Variants in SEMA6D observed in about 807,000 individuals in gnomAD.
The protein encoded by SEMA6D is semaphorin-6D.
Under a neutral mutation model 106.6 loss-of-function variants are expected in SEMA6D, and 35 were observed. That is an observed-to-expected ratio of 0.33 (90% CI 0.25 to 0.44). The LOEUF is 0.44. Ranked by LOEUF, SEMA6D falls within the 20% of genes least tolerant of loss-of-function variation. The probability of loss-of-function intolerance (pLI) is 1.00; values close to 1 mark genes in which losing one functional copy is unlikely to be tolerated. For synonymous variants in SEMA6D, 499 were observed against 487.7 expected, an observed-to-expected ratio of 1.02 and a Z score of -0.31; for missense variants, 1,185 against 1,345.9, an observed-to-expected ratio of 0.88 and a Z score of 1.87.
intron 1 of SEMA6D, among the ~76,000 whole-genome samples, chr15:47,196,356 C>T (rs975354969): frequency 5.3e-5 from 8 of 152,128 alleles, no homozygotes; most frequent in African/African-American, 1.9e-4. Flanking sequence ...GCTTTCTGAG[C>T]CACTGTCTGA....
At chr15:47,715,495 A>G (rs1344745075), upstream of SEMA6D, among the ~76,000 whole-genome samples, 4 of 152,172 alleles carry the variant, frequency 2.6e-5, no homozygotes, top group African/African-American at 9.7e-5. Context: ...AAGGTAAAGG[A>G]TACCATTCGT....
rs980345269 is a variant in SEMA6D, at chr15:47,544,751, C to T, written c.-86-56114C>T. 3.5e-5 allele frequency among the ~76,000 whole-genome samples: 5 copies of T among 144,834 alleles called. No homozygotes were observed. In the Admixed American group the frequency reaches 3.6e-4, roughly 10 times the overall value. ...GTGGCTCTGGGAACATAGAAAACAA[C>T]TTTAGGGGAATCAGAAAGATTAAAC... On this transcript the variant is annotated intron_variant, in intron 3 of 19. Transcript: ENST00000558014.
intron 4 of SEMA6D, among the ~76,000 whole-genome samples, chr15:47,647,689 T>G (rs2077606650): frequency 6.8e-6 from 1 of 148,100 alleles, no homozygotes; most frequent in African/African-American, 2.5e-5. Flanking sequence ...AATCAGAATT[T>G]ACAACAGGCA....
At chr15:47,329,327 T>G (rs1002229995) in intron 1 of SEMA6D, among the ~76,000 whole-genome samples, 1 of 152,214 alleles carries the variant, frequency 6.6e-6, no homozygotes, top group African/African-American at 2.4e-5. Flanking sequence ...TCTTAACCTG[T>G]TCACTAATAA....
intron 2 of SEMA6D, among the ~76,000 whole-genome samples, chr15:47,412,631 A>G (rs1008388523): frequency 2.0e-5 from 3 of 152,232 alleles, no homozygotes; most frequent in Admixed American, 6.5e-5. Flanking sequence ...TCCATAATCC[A>G]TAAGTACTGA....
chr15:47,285,987 C>T (rs1025345933), intron 1 of SEMA6D, among the ~76,000 whole-genome samples: 2 of 152,106 alleles, frequency 1.3e-5, no homozygotes, highest in Admixed American at 6.5e-5. Flanking sequence ...TGATAATTAA[C>T]TAAGAACAAC....
chr15:47,727,210 C>G (rs1302860007), intron 1 of SEMA6D, among the ~76,000 whole-genome samples: 2 of 152,168 alleles, frequency 1.3e-5, no homozygotes, highest in Admixed American at 1.3e-4. Context: ...TGTCGTCACG[C>G]ACATCTTTGA....
At chr15:47,582,931 A>G (rs1347464023) in intron 3 of SEMA6D, among the ~76,000 whole-genome samples, 2 of 152,184 alleles carry the variant, frequency 1.3e-5, no homozygotes, top group Non-Finnish European at 2.9e-5. Flanking sequence ...CATTTGCCAC[A>G]AAATATTGCC....
chr15:47,552,826 A>ATATT (rs1555389632), intron 3 of SEMA6D, among the ~76,000 whole-genome samples: 1 of 51,576 alleles, frequency 1.9e-5, no homozygotes, highest in African/African-American at 1.2e-4. Flanking sequence ...AAATATATAT[A>ATATT]TTTTTATATA....
At chr15:47,707,354 A>G (rs1331610793) in intron 4 of SEMA6D, among the ~76,000 whole-genome samples, 1 of 152,232 alleles carries the variant, frequency 6.6e-6, no homozygotes, top group Non-Finnish European at 1.5e-5. Flanking sequence ...ACTAAGACCA[A>G]AGTTCTCTAA....
At chr15:47,252,316 A>AATACATGTGGAC (rs1372651343) in intron 1 of SEMA6D, among the ~76,000 whole-genome samples, 1 of 152,208 alleles carries the variant, frequency 6.6e-6, no homozygotes, top group African/African-American at 2.4e-5. Context: ...ATGATGTTTC[A>AATACATGTGGAC]ATACATGTGG....
chr15:47,522,885 G>A (rs1227185002), intron 3 of SEMA6D, among the ~76,000 whole-genome samples: 1 of 152,196 alleles, frequency 6.6e-6, no homozygotes, highest in East Asian at 1.9e-4. Flanking sequence ...AAATCTATAA[G>A]GGATGATGAA....
At chr15:47,461,625 G>T (rs1392090433) in intron 2 of SEMA6D, among the ~76,000 whole-genome samples, 1 of 151,946 alleles carries the variant, frequency 6.6e-6, no homozygotes. Flanking sequence ...GGTAAAGTGA[G>T]GTGTATAGGA....
intron 3 of SEMA6D, among the ~76,000 whole-genome samples, chr15:47,504,454 G>A (rs895637630): frequency 2.0e-5 from 3 of 152,026 alleles, no homozygotes; most frequent in Non-Finnish European, 4.4e-5. Context: ...AGCAAGGGGC[G>A]TAGGAAGCCT....
chr15:47,633,465 A>T (rs1002665407), intron 4 of SEMA6D, among the ~76,000 whole-genome samples: 10 of 152,180 alleles, frequency 6.6e-5, no homozygotes, highest in African/African-American at 2.4e-4. Context: ...CCTGGCTTCC[A>T]TGGTTTCAGA....
At chr15:47,628,846 A>T (rs1596480192) in intron 4 of SEMA6D, among the ~76,000 whole-genome samples, 1 of 151,944 alleles carries the variant, frequency 6.6e-6, no homozygotes, top group Non-Finnish European at 1.5e-5. Context: ...ACTTTGTCTT[A>T]TTTTTTATAA....
chr15:47,306,355 A>C (rs1391636405), intron 1 of SEMA6D, among the ~76,000 whole-genome samples: 4 of 152,120 alleles, frequency 2.6e-5, no homozygotes, highest in Non-Finnish European at 4.4e-5. Flanking sequence ...TTCCTCTTTT[A>C]TAATGTTTTA....
chr15:47,650,688 T>A lies in SEMA6D; in HGVS notation c.-55+49792T>A, dbSNP rs1455719325. On this transcript the variant is annotated intron_variant, in intron 4 of 19. Transcript: ENST00000558014. ...GTTATTCTAGTTCCCCTATAGAGAA[T>A]AGGAAAATGCAGATTAAAGAGATGA... Among the ~76,000 whole-genome samples the A allele has an allele frequency of 3.9e-5, 6 of 152,150 alleles. 1 individual carries two copies. Among genetic ancestry groups the A allele is most frequent in the South Asian group, 4.2e-4 (2 of 4,816 alleles).
intron 1 of SEMA6D, among the ~76,000 whole-genome samples, chr15:47,341,323 G>C (rs2037803963): frequency 6.6e-6 from 1 of 152,192 alleles, no homozygotes; most frequent in African/African-American, 2.4e-5. Context: ...CCGGGAGGTA[G>C]AGGTTGCAGT....
Sources: allele counts gnomAD v4.1 joint callset (sites outside exome capture counted in the v4.1 genomes callset), GRCh38; gene constraint gnomAD v4.1.1; transcripts MANE v1.5; gene names NCBI Gene and HGNC (gene_info 2026-07-23, HGNC 2026-07-21).